Variants in HYAL4 observed in about 807,000 individuals in gnomAD.
The protein encoded by HYAL4 is hyaluronidase 4.
A neutral mutation model predicts 35.2 loss-of-function variants in HYAL4; 37 were observed. The observed-to-expected ratio is 1.05, with a 90% confidence interval of 0.81 to 1.38. The LOEUF is 1.38. Among genes scored for constraint, HYAL4 ranks in the 40% most tolerant of loss-of-function variants. HYAL4 has a pLI of 0.00. For synonymous variants in HYAL4, 198 were observed against 203.2 expected (o/e 0.97, Z 0.22); for missense variants, 572 against 572.4 (o/e 1.00, Z 0.01).
At chr7:123,823,760 CAT>C in the HYAL4 span, among the ~76,000 whole-genome samples, 2 of 148,596 alleles carry the variant, frequency 1.3e-5, no homozygotes, top group Non-Finnish European at 3.0e-5. Context: ...CACACACACA[CAT>C]ATATTTATAT....
At position 123,874,819 on chromosome 7, in the gene HYAL4, T is replaced by C; in HGVS notation, c.1013T>C (p.Ile338Thr). 6.2e-7 allele frequency: 1 copy of C among 1,607,618 alleles called. No homozygotes were observed. Among genetic ancestry groups the C allele is most frequent in the Non-Finnish European group, 8.5e-7 (1 of 1,173,988 alleles). ...GCCTTGGGAGCTGCAGGCATTGTTA[T>C]TTGGGGAGACATGAATTTAACTGCA... ...SAALGAAGIV[I>T]WGDMNLTASK... is the part of the protein sequence containing the mutation. The change falls in exon 4 of 5, where the codon ATT becomes ACT. Residue 338 changes from isoleucine (I) to threonine (T), a missense_variant. Transcript: ENST00000223026.
chr7:123,853,774 A>G (rs1021937619), intron 2 of HYAL4, among the ~76,000 whole-genome samples: 5 of 151,980 alleles, frequency 3.3e-5, no homozygotes, highest in Admixed American at 6.6e-5. Context: ...CTGTTTTTCT[A>G]TGGTTTGGAA....
chr7:123,800,476 T>C, the HYAL4 span, among the ~76,000 whole-genome samples: 6 of 120,354 alleles, frequency 5.0e-5, no homozygotes, highest in African/African-American at 1.8e-4. Context: ...GCCTGAAAAT[T>C]AAAAAAAAAA....
upstream of HYAL4, among the ~76,000 whole-genome samples, chr7:123,842,560 TTC>T (rs1380338017): frequency 2.6e-5 from 4 of 151,952 alleles, no homozygotes; most frequent in African/African-American, 9.7e-5. Flanking sequence ...CTTGTTAACC[TTC>T]TGTCATGTTG....
At chr7:123,765,877 T>C in the HYAL4 span, among the ~76,000 whole-genome samples, 1 of 152,196 alleles carries the variant, frequency 6.6e-6, no homozygotes, top group African/African-American at 2.4e-5. Context: ...ATTTATTCCC[T>C]GGATATGTTT....
chr7:123,809,131 C>T, the HYAL4 span, among the ~76,000 whole-genome samples: 6 of 152,088 alleles, frequency 3.9e-5, no homozygotes, highest in African/African-American at 1.2e-4. Context: ...GTCCAAATTC[C>T]CAAATTATTA....
chr7:123,770,685 G>A, the HYAL4 span, among the ~76,000 whole-genome samples: 43 of 151,978 alleles, frequency 2.8e-4, no homozygotes, highest in Non-Finnish European at 5.3e-4. Context: ...ACTAGAGTAC[G>A]TTGGGGTCAG....
chr7:123,777,988 C>T, the HYAL4 span, among the ~76,000 whole-genome samples: 1 of 150,662 alleles, frequency 6.6e-6, no homozygotes, highest in East Asian at 1.9e-4. Context: ...AACTGAAGTT[C>T]TAAAATTCTA....
the HYAL4 span, among the ~76,000 whole-genome samples, chr7:123,775,909 C>A: frequency 3.3e-4 from 50 of 152,252 alleles, no homozygotes; most frequent in African/African-American, 1.0e-3. Flanking sequence ...GAGCAGACCA[C>A]GTGTGTTTCA....
intron 2 of HYAL4, among the ~76,000 whole-genome samples, chr7:123,863,515 G>A (rs955479537): frequency 6.6e-6 from 1 of 152,162 alleles, no homozygotes; most frequent in East Asian, 1.9e-4. Context: ...TGAGTGACTT[G>A]GTGAAGAGTC....
At chr7:123,817,032 T>C in the HYAL4 span, among the ~76,000 whole-genome samples, 1 of 152,206 alleles carries the variant, frequency 6.6e-6, no homozygotes, top group African/African-American at 2.4e-5. Flanking sequence ...GAAACCTTCC[T>C]ATAACGCAGG....
At chr7:123,854,817 G>C (rs1806393856) in intron 2 of HYAL4, among the ~76,000 whole-genome samples, 1 of 152,136 alleles carries the variant, frequency 6.6e-6, no homozygotes, top group Admixed American at 6.5e-5. Context: ...TATTGACAGA[G>C]GGGTGTTAAA....
chr7:123,805,120 A>G, the HYAL4 span, among the ~76,000 whole-genome samples: 1 of 152,240 alleles, frequency 6.6e-6, no homozygotes, highest in African/African-American at 2.4e-5. Context: ...TAGGTTTCCT[A>G]TAATATAATC....
upstream of HYAL4, among the ~76,000 whole-genome samples, chr7:123,843,759 T>A (rs1243755683): frequency 1.3e-5 from 2 of 151,952 alleles, no homozygotes; most frequent in African/African-American, 4.8e-5. Context: ...CTTCAATCAC[T>A]GATACCCTTT....
chr7:123,874,659 C>G, intron 3 of HYAL4, 102 bp from the exon 4 acceptor site: 1 of 665,652 alleles, frequency 1.5e-6, no homozygotes, highest in Non-Finnish European at 2.7e-6. Context: ...CCCGCCTGGG[C>G]CTCCCAAAGT....
At chr7:123,781,867 C>G in the HYAL4 span, among the ~76,000 whole-genome samples, 2 of 152,098 alleles carry the variant, frequency 1.3e-5, no homozygotes, top group Non-Finnish European at 2.9e-5. Context: ...ATGGACAGTG[C>G]TAGTCTAGAA....
upstream of HYAL4, among the ~76,000 whole-genome samples, chr7:123,827,796 G>A (rs1487679353): frequency 1.3e-5 from 2 of 152,072 alleles, no homozygotes; most frequent in African/African-American, 4.8e-5. Flanking sequence ...TCCTCTTACT[G>A]AGAAAATATC....
intron 2 of HYAL4, among the ~76,000 whole-genome samples, chr7:123,850,945 T>A (rs1806291894): frequency 6.6e-6 from 1 of 152,244 alleles, no homozygotes; most frequent in Non-Finnish European, 1.5e-5. Flanking sequence ...TTGTGAAACA[T>A]TTTGAAGTTA....
chr7:123,855,695 G>A (rs1329904381), intron 2 of HYAL4, among the ~76,000 whole-genome samples: 2 of 152,070 alleles, frequency 1.3e-5, no homozygotes, highest in African/African-American at 4.8e-5. Context: ...CTCTTCTCGA[G>A]GAGTATCTTT....
Sources: gnomAD v4.1 joint callset for allele counts (sites outside exome capture counted in the v4.1 genomes callset) on GRCh38, gnomAD v4.1.1 for gene constraint, MANE v1.5 for transcripts, NCBI Gene and HGNC (gene_info 2026-07-23, HGNC 2026-07-21) for gene names.